The following TRIO variants were observed in gnomAD, a reference collection of about 807,000 sequenced individuals.
The protein encoded by TRIO is trio Rho guanine nucleotide exchange factor, also known as triple functional domain protein.
A neutral mutation model predicts 351.9 loss-of-function variants in TRIO; 58 were observed. The observed-to-expected ratio is 0.16, with a 90% CI of 0.13 to 0.21. The LOEUF (loss-of-function observed/expected upper bound fraction) is 0.21. Ranked by LOEUF, TRIO falls within the 10% of genes least tolerant of loss-of-function variation. The pLI, the probability that TRIO is intolerant of heterozygous loss-of-function variation, is 1.00. For missense variants in TRIO, 3,201 were observed against 4,027.8 expected (o/e 0.79, Z 5.56); for synonymous variants, 1,758 against 1,595.7 (o/e 1.10, Z -2.42).
intron 1 of TRIO, among the ~76,000 whole-genome samples, chr5:14,226,315 G>A (rs1353728241): frequency 6.6e-6 from 1 of 151,732 alleles, no homozygotes; most frequent in Non-Finnish European, 1.5e-5. Flanking sequence ...CCTTTTTTCT[G>A]TAGAACCCCA....
At chr5:14,295,121 G>T (rs764478747) in intron 6 of TRIO, among the ~76,000 whole-genome samples, 2 of 152,272 alleles carry the variant, frequency 1.3e-5, no homozygotes, top group Non-Finnish European at 2.9e-5. Flanking sequence ...ATTTAATAAT[G>T]CAGGGCAAGG....
chr5:14,509,213 A>G lies in TRIO; in HGVS notation c.*791A>G, dbSNP rs1757926949. On this transcript the variant is annotated 3_prime_UTR_variant, in exon 57 of 57. Transcript: ENST00000344204. ...AGATTGTGGAGCAGTACACAGTCAG[A>G]TGAAAATACTGTAAATGCACTCATT... The G allele has an allele frequency of 3.0e-6, 1 of 338,406 alleles. No individual in the cohort carries two copies. Among genetic ancestry groups the G allele is most frequent in the Admixed American group, 4.5e-5 (1 of 22,238 alleles). The allele number at this position is 338,406 out of a possible 1,614,324, so 21.0% of individuals were successfully genotyped here.
intron 56 of TRIO, 139 bp from the exon 57 acceptor site, chr5:14,507,741 C>T: frequency 1.8e-6 from 2 of 1,102,070 alleles, no homozygotes; most frequent in Non-Finnish European, 2.5e-6. Flanking sequence ...GCTGAGTGGT[C>T]CGGCCTGCTT....
intron 34 of TRIO, among the ~76,000 whole-genome samples, chr5:14,454,288 C>G (rs1279559006): frequency 6.6e-6 from 1 of 152,222 alleles, no homozygotes; most frequent in African/African-American, 2.4e-5. Flanking sequence ...CACCCCGACA[C>G]TGCTTTACAT....
rs1210133034 is a variant in TRIO, at chr5:14,366,913, A to G, written c.2808A>G (p.Thr936=). 6.2e-7 allele frequency: 1 copy of G among 1,614,200 alleles called. No individual in the cohort carries two copies. Among genetic ancestry groups the G allele is most frequent in the Admixed American group, 1.7e-5 (1 of 60,026 alleles). The change falls in exon 16 of 57, where the codon ACA becomes ACG. Residue 936 remains threonine (T), a synonymous_variant. Transcript: ENST00000344204. ...GESMLNAGLI[T]ASSLQEAEQL... is the part of the protein sequence containing the mutation. ...CCATGTTAAATGCCGGACTTATCAC[A>G]GCCAGCTCGTTACAAGAGGCAGAGC...
chr5:14,180,980 A>G (rs971703758), intron 1 of TRIO, among the ~76,000 whole-genome samples: 1 of 152,234 alleles, frequency 6.6e-6, no homozygotes, highest in African/African-American at 2.4e-5. Flanking sequence ...AAAAAAGTTA[A>G]GGTATAAAGA....
chr5:14,477,232 G>A, intron 41 of TRIO: 1 of 330,352 alleles, frequency 3.0e-6, no homozygotes, highest in South Asian at 9.2e-5. Context: ...AACAGTATCT[G>A]GGGTGTCTGT....
intron 34 of TRIO, among the ~76,000 whole-genome samples, chr5:14,450,195 T>C (rs1232148076): frequency 1.3e-5 from 2 of 152,188 alleles, no homozygotes; most frequent in Admixed American, 1.3e-4. Flanking sequence ...GACTCCTCAC[T>C]CTTGAGTGGT....
At chr5:14,490,432 C>T (rs1427219388) in intron 48 of TRIO, among the ~76,000 whole-genome samples, 3 of 152,258 alleles carry the variant, frequency 2.0e-5, no homozygotes, top group Non-Finnish European at 4.4e-5. Context: ...AGATGAGCAG[C>T]TTCTGCAAAG....
rs79069598 is a variant in TRIO at position 14,250,694 on chromosome 5, T to C, written c.158-20131T>C. Among the ~76,000 whole-genome samples the C allele has an allele frequency of 1.6e-3, 239 of 152,296 alleles. 3 individuals are homozygous for C. Among genetic ancestry groups the C allele is most frequent in the African/African-American group, 5.0e-3 (209 of 41,562 alleles). On this transcript the variant is annotated intron_variant, in intron 1 of 56. Coordinates refer to ENST00000344204, the MANE Select transcript of TRIO (RefSeq NM_007118.4). The stretch of plus-strand genomic sequence containing the variant: ...TGTACTGTGTTCAGCTGTGTGTACA[T>C]AGAAGCACATCCTTTTCAAGGAAAA...
chr5:14,366,175 G>C (rs970095293), intron 15 of TRIO, among the ~76,000 whole-genome samples: 4 of 152,002 alleles, frequency 2.6e-5, no homozygotes, highest in African/African-American at 9.7e-5. Flanking sequence ...TTGGGAGAGG[G>C]CTTAGACAAT....
intron 11 of TRIO, among the ~76,000 whole-genome samples, chr5:14,356,426 GAGAT>G (rs1743615936): frequency 6.6e-6 from 1 of 152,208 alleles, no homozygotes; most frequent in East Asian, 1.9e-4. Flanking sequence ...AAACCATAGT[GAGAT>G]ATACCACTCA....
At position 14,352,074 on chromosome 5, in the gene TRIO, C is replaced by T. The variant is rs556656362; in HGVS notation, c.2047-6104C>T. Among the ~76,000 whole-genome samples the T allele has an allele frequency of 7.9e-5, 12 of 152,314 alleles. No homozygotes were observed. In the South Asian group the frequency reaches 1.7e-3, roughly 21 times the overall value. ...GGAGGCTTCCCACATCTTAATCACT[C>T]GGGTTTTCACCACAGAACTCCATGT... is the stretch of plus-strand genomic sequence containing the variant. On this transcript the variant is annotated intron_variant, in intron 11 of 56. Transcript: ENST00000344204.
intron 1 of TRIO, among the ~76,000 whole-genome samples, chr5:14,228,671 C>T (rs1793200468): frequency 6.6e-6 from 1 of 152,152 alleles, no homozygotes; most frequent in Non-Finnish European, 1.5e-5. Context: ...AAATTGATAT[C>T]TGCTTTATCA....
chr5:14,495,873 C>T (rs1208907206), intron 49 of TRIO, among the ~76,000 whole-genome samples: 1 of 152,020 alleles, frequency 6.6e-6, no homozygotes, highest in African/African-American at 2.4e-5. Flanking sequence ...GAGGCTGAGG[C>T]AGGAGAATAG....
At chr5:14,254,006 T>C (rs2152250979) in intron 1 of TRIO, among the ~76,000 whole-genome samples, 1 of 152,174 alleles carries the variant, frequency 6.6e-6, no homozygotes, top group African/African-American at 2.4e-5. Context: ...TTTATGTTAA[T>C]ATGTAATGAA....
At chr5:14,336,257 T>A (rs887400335) in intron 10 of TRIO, among the ~76,000 whole-genome samples, 1 of 152,098 alleles carries the variant, frequency 6.6e-6, no homozygotes, top group African/African-American at 2.4e-5. Context: ...AAGCTCTGAG[T>A]CACAAGACAG....
rs143358314 is a variant in TRIO, at chr5:14,230,665, G to GC, written c.158-40154dup. ...CATATATATTCATTTCTTCCTTTTT[G>GC]CCCCCCTCCCCTAATACGGCCCCAT... On this transcript the variant is annotated intron_variant, in intron 1 of 56. Transcript: ENST00000344204. Among the ~76,000 whole-genome samples the GC allele has an allele frequency of 4.3e-3, 648 of 151,660 alleles. 2 individuals are homozygous for GC. Among genetic ancestry groups the GC allele is most frequent in the African/African-American group, 0.015 (614 of 41,342 alleles).
At chr5:14,230,446 C>A (rs1266252223) in intron 1 of TRIO, among the ~76,000 whole-genome samples, 1 of 151,892 alleles carries the variant, frequency 6.6e-6, no homozygotes, top group East Asian at 1.9e-4. Context: ...GATACCCCCA[C>A]AGATTTCCAA....
Sources: gnomAD v4.1 joint callset for allele counts (sites outside exome capture counted in the v4.1 genomes callset) on GRCh38, gnomAD v4.1.1 for gene constraint, MANE v1.5 for transcripts, NCBI Gene and HGNC (gene_info 2026-07-23, HGNC 2026-07-21) for gene names.